Variants in TENM4 observed in about 807,000 individuals in gnomAD.
TENM4 encodes teneurin-4.
Under a neutral mutation model 243.3 loss-of-function variants are expected in TENM4, and 82 were observed. The observed-to-expected ratio is 0.34, with a 90% CI of 0.28 to 0.40. The LOEUF is 0.40. Ranked by LOEUF, TENM4 falls within the 10% of genes least tolerant of loss-of-function variation. The pLI is 1.00. For missense variants in TENM4, 3,138 were observed against 3,673.3 expected, an observed-to-expected ratio of 0.85 and a Z score of 3.77; for synonymous variants, 1,412 against 1,456.3, an observed-to-expected ratio of 0.97 and a Z score of 0.69.
At position 78,988,274 on chromosome 11, in the gene TENM4, G is replaced by C. The variant is rs368398802; in HGVS notation, c.493+76464C>G. Among the ~76,000 whole-genome samples the C allele has an allele frequency of 1.8e-4, 27 of 152,290 alleles. No individual in the cohort carries two copies. In the South Asian group the frequency reaches 5.4e-3, roughly 30 times the overall value. ...AACAGCCAGTATCAGTTTGTCAACT[G>C]TGTGAGTGAGCTACCTTAGTGACCA... On this transcript the variant is annotated intron_variant, in intron 6 of 33. Coordinates refer to ENST00000278550, the MANE Select transcript of TENM4 (RefSeq NM_001098816.3).
At chr11:78,996,420 C>T (rs1858173976) in intron 6 of TENM4, among the ~76,000 whole-genome samples, 1 of 152,178 alleles carries the variant, frequency 6.6e-6, no homozygotes, top group Non-Finnish European at 1.5e-5. Flanking sequence ...GATGTTTTAG[C>T]CCCAGCCAAG....
chr11:78,691,228 T>C (rs890835807), intron 28 of TENM4, among the ~76,000 whole-genome samples: 10 of 152,364 alleles, frequency 6.6e-5, no homozygotes, highest in Non-Finnish European at 8.8e-5. Context: ...CTGTGGAGTC[T>C]GTGGATTGAC....
intron 3 of TENM4, among the ~76,000 whole-genome samples, chr11:79,212,031 A>T (rs1298347262): frequency 6.6e-6 from 1 of 152,192 alleles, no homozygotes; most frequent in Non-Finnish European, 1.5e-5. Context: ...ATGTTTTTGC[A>T]TGTGGACATT....
intron 28 of TENM4, among the ~76,000 whole-genome samples, chr11:78,697,084 C>A (rs1334563225): frequency 1.3e-5 from 2 of 152,152 alleles, no homozygotes; most frequent in Non-Finnish European, 2.9e-5. Context: ...ACACTTTCTT[C>A]TTAAATCTTT....
intron 2 of TENM4, among the ~76,000 whole-genome samples, chr11:79,288,506 G>C (rs1453423359): frequency 1.3e-5 from 2 of 152,222 alleles, no homozygotes; most frequent in African/African-American, 4.8e-5. Context: ...CTCTGGCAAA[G>C]CTCAGTAAAG....
rs1024918614 is a variant in TENM4 at position 79,123,608 on chromosome 11, T to G, written c.-66+25102A>C. 2.1e-3 allele frequency among the ~76,000 whole-genome samples: 318 copies of G among 151,908 alleles called. 4 individuals carry two copies. Among genetic ancestry groups the G allele is most frequent in the African/African-American group, 7.4e-3 (306 of 41,456 alleles). On this transcript the variant is annotated intron_variant, in intron 4 of 33. Transcript: ENST00000278550. ...ACAAACGCAGTAGCCCCTTTTTTTTTTTTTTTTATTAAGAATTTACTGAGC... is the reference window on the plus strand; with the variant it reads ...ACAAACGCAGTAGCCCCTTTTTTTTGTTTTTTTATTAAGAATTTACTGAGC...
At chr11:79,035,841 T>TC (rs1565176434) in intron 6 of TENM4, among the ~76,000 whole-genome samples, 21 of 152,164 alleles carry the variant, frequency 1.4e-4, no homozygotes. Context: ...CCTCCTTCCC[T>TC]CCTTCCACCT....
intron 1 of TENM4, among the ~76,000 whole-genome samples, chr11:79,358,040 G>C (rs1474508170): frequency 2.0e-5 from 3 of 152,142 alleles, no homozygotes; most frequent in Admixed American, 2.0e-4. Flanking sequence ...CATGCCCTGA[G>C]CTTTATTTAC....
chr11:78,756,702 A>C, intron 19 of TENM4, 103 bp downstream of exon 19: 4 of 1,108,976 alleles, frequency 3.6e-6, no homozygotes, highest in Non-Finnish European at 5.2e-6. Flanking sequence ...GGATGCTCTC[A>C]CGTTCCTGGC....
intron 2 of TENM4, among the ~76,000 whole-genome samples, chr11:79,268,888 C>G (rs1855923107): frequency 6.6e-6 from 1 of 152,094 alleles, no homozygotes; most frequent in Admixed American, 6.5e-5. Context: ...GTGTTATATG[C>G]AAAATGTATG....
intron 1 of TENM4, among the ~76,000 whole-genome samples, chr11:79,364,232 T>G (rs1200654710): frequency 2.6e-5 from 4 of 152,218 alleles, no homozygotes; most frequent in African/African-American, 9.7e-5. Context: ...TGCCAGAGCC[T>G]GTACCTGATG....
At chr11:78,922,522 C>T (rs73500675) in intron 6 of TENM4, among the ~76,000 whole-genome samples, 313 of 152,156 alleles carry the variant, frequency 2.1e-3, no homozygotes, top group African/African-American at 7.1e-3. Context: ...TTCCTACATG[C>T]GAAAAAAACA....
intron 6 of TENM4, among the ~76,000 whole-genome samples, chr11:79,057,206 G>A (rs1311944896): frequency 4.6e-5 from 7 of 152,128 alleles, no homozygotes; most frequent in African/African-American, 1.7e-4. Context: ...TCAAGTATTA[G>A]TCAGACCTCA....
At chr11:79,375,298 A>T (rs142598613) in intron 1 of TENM4, among the ~76,000 whole-genome samples, 180 of 152,358 alleles carry the variant, frequency 1.2e-3, no homozygotes, top group African/African-American at 3.9e-3. Context: ...GTTCTTATTT[A>T]AAAAATTTGG....
In TENM4 at chr11:79,358,646, C is replaced by A. The variant is rs1421148161; in HGVS notation, c.-320-61103G>T. Among the ~76,000 whole-genome samples, 6 of 151,502 alleles carry A rather than the reference C, an allele frequency of 4.0e-5. No homozygotes were observed. The East Asian group carries it at 1.2e-3, about 30-fold the overall frequency. ...GCCTGCCTGCCTTCCTTCCCTCCTGCCTGCCTTCCTTCTTTCTTCCCTTCT... is the reference window on the plus strand; with the variant it reads ...GCCTGCCTGCCTTCCTTCCCTCCTGACTGCCTTCCTTCTTTCTTCCCTTCT... On this transcript the variant is annotated intron_variant, in intron 1 of 33. Coordinates refer to ENST00000278550, the MANE Select transcript of TENM4 (RefSeq NM_001098816.3).
chr11:79,023,478 C>T (rs528084429), intron 6 of TENM4, among the ~76,000 whole-genome samples: 28 of 151,238 alleles, frequency 1.9e-4, no homozygotes, highest in Non-Finnish European at 3.8e-4. Context: ...AGGAGAATCG[C>T]TTGAACCTGG....
chr11:79,229,358 TTTTC>T (rs1864333692), intron 2 of TENM4, among the ~76,000 whole-genome samples: 1 of 152,228 alleles, frequency 6.6e-6, no homozygotes, highest in Non-Finnish European at 1.5e-5. Flanking sequence ...AAGTCCTGAA[TTTTC>T]TTTCTATCTT....
intron 3 of TENM4, among the ~76,000 whole-genome samples, chr11:79,208,332 G>A (rs1011571119): frequency 2.0e-5 from 3 of 152,182 alleles, no homozygotes; most frequent in African/African-American, 7.2e-5. Context: ...AGATTGCTGA[G>A]GCTTGCCTTC....
intron 1 of TENM4, among the ~76,000 whole-genome samples, chr11:79,342,219 T>A (rs1197644048): frequency 6.6e-6 from 1 of 151,766 alleles, no homozygotes; most frequent in Admixed American, 6.6e-5. Flanking sequence ...TATGGAGAGG[T>A]CATTTTGGGC....
Sources: allele counts gnomAD v4.1 joint callset (sites outside exome capture counted in the v4.1 genomes callset), GRCh38; gene constraint gnomAD v4.1.1; transcripts MANE v1.5; gene names NCBI Gene and HGNC (gene_info 2026-07-23, HGNC 2026-07-21).